Variants in ABCC11 observed in about 807,000 individuals in gnomAD.
The protein encoded by ABCC11 is ATP binding cassette subfamily C member 11, also known as ATP-binding cassette sub-family C member 11.
Under a neutral mutation model 149.3 loss-of-function variants are expected in ABCC11, and 135 were observed. The observed-to-expected ratio is 0.90, with a 90% confidence interval of 0.79 to 1.04. The LOEUF (loss-of-function observed/expected upper bound fraction) is 1.04, where lower values mean the gene tolerates loss of function less well. Among genes scored for constraint, ABCC11 ranks in the 50% least tolerant of loss-of-function variants. The pLI is 0.00. For missense variants in ABCC11, 1,680 were observed against 1,722.1 expected (o/e 0.98, Z 0.43); for synonymous variants, 665 against 671.4 (o/e 0.99, Z 0.15).
Position 48,198,026 on chromosome 16 carries a change from CT to C in ABCC11, c.2258del (p.Lys753ArgfsTer2). 2 of 1,614,208 alleles carry C rather than the reference CT, an allele frequency of 1.2e-6. No individual in the cohort carries two copies. The highest frequency in any genetic ancestry group is 1.7e-6 in the Non-Finnish European group (2 of 1,180,038). On this transcript the variant is annotated frameshift_variant, in exon 17 of 30. Transcript: ENST00000356608. LOFTEE classifies it high-confidence loss of function. ...QDTAKIAEKPKVESQALATSL... is the reference protein window; with the variant it reads ...QDTAKIAEKPXVESQALATSL... Reference sequence around the variant, plus strand: ...AGGTGGCCAGAGCCTGACTTTCTACCTTTGGCTTCTCTGCTATCTTTGCTGT... The same window carrying C: ...AGGTGGCCAGAGCCTGACTTTCTACCTTGGCTTCTCTGCTATCTTTGCTGT...
In ABCC11 at chr16:48,186,995, C is replaced by T. The variant is rs1476065105; in HGVS notation, c.3029G>A (p.Ser1010Asn). The change falls in exon 22 of 30, where the codon AGC becomes AAC. Residue 1010 changes from serine (S) to asparagine (N), a missense_variant. Coordinates refer to ENST00000356608, the MANE Select transcript of ABCC11 (RefSeq NM_001370497.1). Reference protein sequence around the residue: ...SHILNSLQGLSSIHVYGKTED... With the variant: ...SHILNSLQGLNSIHVYGKTED... ...AGTTTTTCCATAGACATGGATGGAG[C>T]TCAGGCCTTGCAGAGAATTGAGGAT... 1 of 1,614,142 alleles carries T rather than the reference C, an allele frequency of 6.2e-7. No homozygotes were observed. Among genetic ancestry groups the T allele is most frequent in the Admixed American group, 1.7e-5 (1 of 60,022 alleles).
At position 48,211,049 on chromosome 16, in the gene ABCC11, C is replaced by T. The variant is rs1210110250; in HGVS notation, c.1507G>A (p.Ala503Thr). The change falls in exon 11 of 30, where the codon GCT becomes ACT. Residue 503 changes from alanine to threonine, a missense_variant. Coordinates refer to ENST00000356608, the MANE Select transcript of ABCC11 (RefSeq NM_001370497.1). ...CTAGGCCTGGTCATCCCCTCAGAAG[C>T]ATGCCCGTTCCTCTCCAGCTCCAGT... ...GALELERNGH[A>T]SEGMTRPRDA... is the part of the protein sequence containing the mutation. 1 of 1,614,120 alleles carries T rather than the reference C, an allele frequency of 6.2e-7. No homozygotes were observed. The highest frequency in any genetic ancestry group is 8.5e-7 in the Non-Finnish European group (1 of 1,180,042).
chr16:48,171,658 A>G (rs1428399460), intron 26 of ABCC11, among the ~76,000 whole-genome samples: 2 of 152,240 alleles, frequency 1.3e-5, no homozygotes, highest in African/African-American at 4.8e-5. Flanking sequence ...ACCACTATTT[A>G]TATCGAAACC....
chr16:48,192,426 A>C, intron 20 of ABCC11, 94 bp downstream of exon 20: 3 of 1,343,378 alleles, frequency 2.2e-6, no homozygotes, highest in Non-Finnish European at 3.0e-6. Flanking sequence ...CCTGGGCTAC[A>C]GAGCTCTAAA....
intron 1 of ABCC11, among the ~76,000 whole-genome samples, chr16:48,243,827 A>C (rs1971150479): frequency 6.6e-6 from 1 of 151,956 alleles, no homozygotes; most frequent in South Asian, 2.1e-4. Context: ...TCCCCTCCCT[A>C]CTAAAAATAC....
chr16:48,244,337 C>G, intron 1 of ABCC11: 3 of 1,338,370 alleles, frequency 2.2e-6, no homozygotes, highest in Non-Finnish European at 3.0e-6. Context: ...AGGCCGGGGG[C>G]AGCTGTCTGT....
intron 3 of ABCC11, among the ~76,000 whole-genome samples, chr16:48,229,847 A>T (rs545942144): frequency 1.3e-5 from 2 of 152,060 alleles, no homozygotes; most frequent in Non-Finnish European, 2.9e-5. Flanking sequence ...CCCACATCAC[A>T]CAAGACTCTC....
Position 48,187,207 on chromosome 16 carries a change from T to C in ABCC11, c.2927A>G (p.Tyr976Cys), listed in dbSNP as rs1258501592. The change falls in exon 21 of 30, where the codon TAT becomes TGT. Residue 976 changes from tyrosine to cysteine, a missense_variant. Physicochemically the swap from Tyr to Cys is radical, Grantham distance 194. Transcript: ENST00000356608. ...GCAAAAAGAACCTACTCACATATAA[T>C]AAATGAAGCAAATAACCATGATTAT... ...GAIIMVICFI[Y>C]YMMFKKAIGV... The C allele has an allele frequency of 1.9e-6, 3 of 1,613,918 alleles. No homozygotes were observed. The highest frequency in any genetic ancestry group is 2.5e-6 in the Non-Finnish European group (3 of 1,179,996).
At chr16:48,192,814 G>A in intron 19 of ABCC11, 97 bp from the exon 20 acceptor site, 1 of 1,266,398 alleles carries the variant, frequency 7.9e-7, no homozygotes, top group South Asian at 1.3e-5. Context: ...ATCTGTGGCT[G>A]GTAGAAGGTG....
intron 12 of ABCC11, among the ~76,000 whole-genome samples, chr16:48,207,216 G>A (rs1026808311): frequency 4.6e-5 from 7 of 152,190 alleles, no homozygotes; most frequent in African/African-American, 1.7e-4. Flanking sequence ...CCAGGAGGGG[G>A]TGAGGTTGGG....
rs548580217 is a variant in ABCC11, at chr16:48,203,220, C to T, written c.1878+8G>A. On this transcript the variant is annotated splice_region_variant and intron_variant, in intron 14 of 29. Coordinates refer to ENST00000356608, the MANE Select transcript of ABCC11 (RefSeq NM_001370497.1). ...TACACAGAGAAGGCAGGCTCGCCTC[C>T]CTCTCACCTCTGTCATGTCTCCAAA... 4 of 1,566,756 alleles carry T rather than the reference C, an allele frequency of 2.6e-6. No individual in the cohort carries two copies. The highest frequency in any genetic ancestry group is 1.9e-5 in the Admixed American group (1 of 52,942).
intron 20 of ABCC11, among the ~76,000 whole-genome samples, chr16:48,188,471 C>T (rs906747677): frequency 1.3e-5 from 2 of 152,208 alleles, no homozygotes; most frequent in South Asian, 4.1e-4. Context: ...ACGATTTGGA[C>T]CCTTGGATCA....
intron 1 of ABCC11, among the ~76,000 whole-genome samples, chr16:48,233,719 A>C (rs1452751611): frequency 2.6e-5 from 4 of 152,254 alleles, no homozygotes; most frequent in African/African-American, 9.6e-5. Flanking sequence ...AGCAAATTTC[A>C]GAGTGCAAGT....
chr16:48,226,315 C>A (rs1970071493), intron 4 of ABCC11, among the ~76,000 whole-genome samples: 2 of 143,082 alleles, frequency 1.4e-5, no homozygotes, highest in Admixed American at 7.3e-5. Flanking sequence ...CACTCTGTTG[C>A]CCAGGCTGGA....
chr16:48,178,855 T>A (rs572423649), intron 23 of ABCC11, among the ~76,000 whole-genome samples, 169 bp from the exon 24 acceptor site: 1 of 152,204 alleles, frequency 6.6e-6, no homozygotes, highest in Non-Finnish European at 1.5e-5. Flanking sequence ...TCAGCCCACT[T>A]CTGAGTTTAG....
chr16:48,209,883 T>C (rs925184628), intron 11 of ABCC11: 1 of 152,162 alleles, frequency 6.6e-6, no homozygotes, highest in African/African-American at 2.4e-5. Flanking sequence ...TCCCTCTGTC[T>C]GCTGTATGGT....
At chr16:48,168,176 AG>A (rs1362026374) in intron 28 of ABCC11, among the ~76,000 whole-genome samples, 1 of 152,212 alleles carries the variant, frequency 6.6e-6, no homozygotes, top group Non-Finnish European at 1.5e-5. Context: ...GTTTTTGAAA[AG>A]GGAGTATCAT....
At chr16:48,182,361 G>A (rs1228451462) in intron 23 of ABCC11, among the ~76,000 whole-genome samples, 2 of 152,148 alleles carry the variant, frequency 1.3e-5, no homozygotes, top group East Asian at 3.9e-4. Flanking sequence ...ACGCCTGGGA[G>A]TGCAATAACA....
Position 48,166,959 on chromosome 16 carries a change from C to A in ABCC11, c.*315G>T, listed in dbSNP as rs929696603. On this transcript the variant is annotated 3_prime_UTR_variant, in exon 30 of 30. Transcript: ENST00000356608. ...TACAAAGTCAGTACAGCATTTGCAA[C>A]ACTTCTAACACAGATCAGAAAACTA... 6 of 263,078 alleles carry A rather than the reference C, an allele frequency of 2.3e-5. No individual in the cohort carries two copies. The highest frequency in any genetic ancestry group is 8.2e-5 in the East Asian group (1 of 12,202). The allele number at this position is 263,078 out of a possible 1,614,324, so 16.3% of individuals were successfully genotyped here.
Sources: allele counts gnomAD v4.1 joint callset (sites outside exome capture counted in the v4.1 genomes callset), GRCh38; gene constraint gnomAD v4.1.1; transcripts MANE v1.5; gene names NCBI Gene and HGNC (gene_info 2026-07-23, HGNC 2026-07-21).